The following ADAMTS9 variants were observed in gnomAD, a reference collection of about 807,000 sequenced individuals.
The protein encoded by ADAMTS9 is ADAM metallopeptidase with thrombospondin type 1 motif 9, also known as A disintegrin and metalloproteinase with thrombospondin motifs 9.
ADAMTS9 carries 107 observed loss-of-function variants against 257.1 expected under a neutral mutation model. The observed-to-expected ratio is 0.42, with a 90% confidence interval of 0.36 to 0.49. ADAMTS9 has a LOEUF of 0.49. ADAMTS9 is among the 20% of genes least tolerant of loss of function. The pLI, the probability that ADAMTS9 is intolerant of heterozygous loss-of-function variation, is 0.03. For synonymous variants in ADAMTS9, 982 were observed against 880.9 expected (o/e 1.11, Z -2.03); for missense variants, 2,353 against 2,469.1 (o/e 0.95, Z 1.00).
intron 19 of ADAMTS9, 32 bp downstream of exon 19, chr3:64,621,082 G>A: frequency 6.3e-7 from 1 of 1,587,086 alleles, no homozygotes; most frequent in Non-Finnish European, 8.6e-7. Flanking sequence ...TCACAATTCA[G>A]TAATAAAGGC....
chr3:64,568,704 G>C lies in ADAMTS9; in HGVS notation c.4357-169C>G. ...CAAGGCTTAATAGGGAAGGAAGGTGGCATTGAAAAAAAAAATGTCCACAGC... is the reference window on the plus strand; with the variant it reads ...CAAGGCTTAATAGGGAAGGAAGGTGCCATTGAAAAAAAAAATGTCCACAGC... On this transcript the variant is annotated intron_variant, in intron 28 of 39. Coordinates refer to ENST00000498707, the MANE Select transcript of ADAMTS9 (RefSeq NM_182920.2). 10 of 726,274 alleles carry C rather than the reference G, an allele frequency of 1.4e-5. No individual in the cohort carries two copies. In the South Asian group the frequency reaches 1.9e-4, roughly 13 times the overall value. The allele number at this position is 726,274 out of a possible 1,614,324, so 45.0% of individuals were successfully genotyped here. A position where few individuals can be genotyped will look rare whatever the true frequency, so the allele number is the denominator to read the frequency against.
At chr3:64,631,344 A>G (rs1700362621) in intron 16 of ADAMTS9, 111 bp downstream of exon 16, 3 of 837,230 alleles carry the variant, frequency 3.6e-6, no homozygotes, top group Admixed American at 2.1e-5. Context: ...TTTTATGAAA[A>G]TCCATGACAT....
intron 28 of ADAMTS9, among the ~76,000 whole-genome samples, chr3:64,593,961 A>C (rs978532434): frequency 2.8e-5 from 3 of 108,264 alleles, no homozygotes; most frequent in African/African-American, 6.3e-5. Context: ...TGTGTGTATG[A>C]TGTGTGTGTG....
intron 38 of ADAMTS9, among the ~76,000 whole-genome samples, chr3:64,527,164 A>T (rs1228531339): frequency 6.6e-6 from 1 of 152,162 alleles, no homozygotes. Flanking sequence ...AGAAGCACCC[A>T]CTCACATTCC....
At chr3:64,534,525 CACTT>C (rs1409312448) in intron 37 of ADAMTS9, among the ~76,000 whole-genome samples, 2 of 152,156 alleles carry the variant, frequency 1.3e-5, no homozygotes, top group African/African-American at 4.8e-5. Context: ...TACGACTAGC[CACTT>C]AAATATTATA....
At chr3:64,677,120 C>T (rs997487723) in intron 3 of ADAMTS9, among the ~76,000 whole-genome samples, 1 of 152,140 alleles carries the variant, frequency 6.6e-6, no homozygotes, top group Non-Finnish European at 1.5e-5. Flanking sequence ...CCAAAGGGCT[C>T]CCATAGGCCT....
chr3:64,537,855 G>A (rs914363581), intron 37 of ADAMTS9, among the ~76,000 whole-genome samples: 3 of 152,204 alleles, frequency 2.0e-5, no homozygotes, highest in Non-Finnish European at 4.4e-5. Context: ...TGCCTTCCAA[G>A]GGCAGAAGCT....
At chr3:64,679,050 G>A (rs927482449) in intron 3 of ADAMTS9, among the ~76,000 whole-genome samples, 7 of 152,106 alleles carry the variant, frequency 4.6e-5, no homozygotes, top group East Asian at 1.9e-4. Context: ...CCTTAATAAC[G>A]ACTGGAACCA....
At chr3:64,609,247 A>C (rs1345902556) in intron 22 of ADAMTS9, among the ~76,000 whole-genome samples, 2 of 152,168 alleles carry the variant, frequency 1.3e-5, no homozygotes, top group African/African-American at 4.8e-5. Flanking sequence ...ACTGCTGTTC[A>C]TCATTGTACT....
chr3:64,646,633 A>T (rs946150121), intron 11 of ADAMTS9, among the ~76,000 whole-genome samples: 1 of 152,242 alleles, frequency 6.6e-6, no homozygotes, highest in African/African-American at 2.4e-5. Flanking sequence ...CTCTGTTGCC[A>T]ATTTAAGTCA....
At chr3:64,642,043 T>G in intron 11 of ADAMTS9, 50 bp from the exon 12 acceptor site, 1 of 1,605,100 alleles carries the variant, frequency 6.2e-7, no homozygotes, top group Non-Finnish European at 8.5e-7. Flanking sequence ...TGTGAGTTGT[T>G]ACAGGACTGG....
chr3:64,681,684 T>C, intron 2 of ADAMTS9, among the ~76,000 whole-genome samples: 1 of 152,208 alleles, frequency 6.6e-6, no homozygotes, highest in East Asian at 1.9e-4. Flanking sequence ...GCTGGGATTA[T>C]AGGTGCATGC....
intron 24 of ADAMTS9, 64 bp from the exon 25 acceptor site, chr3:64,604,153 C>T (rs573012741): frequency 6.2e-6 from 10 of 1,601,824 alleles, no homozygotes; most frequent in African/African-American, 5.3e-5. Flanking sequence ...GGACAGTAGC[C>T]CACTTTCTAT....
At chr3:64,581,331 T>C (rs536512574) in intron 28 of ADAMTS9, among the ~76,000 whole-genome samples, 1 of 152,280 alleles carries the variant, frequency 6.6e-6, no homozygotes, top group South Asian at 2.1e-4. Context: ...TGTGTCTTTG[T>C]TTAGGGGCAA....
At chr3:64,531,228 A>T (rs1166476132) in intron 38 of ADAMTS9, among the ~76,000 whole-genome samples, 1 of 152,128 alleles carries the variant, frequency 6.6e-6, no homozygotes, top group Non-Finnish European at 1.5e-5. Context: ...ATTTTCCTGG[A>T]ATGTCCCAAT....
chr3:64,584,577 T>C (rs937881188), intron 28 of ADAMTS9, among the ~76,000 whole-genome samples: 4 of 152,324 alleles, frequency 2.6e-5, no homozygotes, highest in African/African-American at 9.6e-5. Flanking sequence ...ACTCTTTACT[T>C]CCTTGTGAAG....
chr3:64,523,997 T>C (rs562973522), intron 38 of ADAMTS9, among the ~76,000 whole-genome samples: 1 of 152,282 alleles, frequency 6.6e-6, no homozygotes, highest in African/African-American at 2.4e-5. Context: ...AAACTGTTCT[T>C]ATAGGCAAAA....
chr3:64,682,114 C>A (rs1403328635), intron 2 of ADAMTS9, among the ~76,000 whole-genome samples: 1 of 152,124 alleles, frequency 6.6e-6, no homozygotes. Context: ...TGATGTCCTG[C>A]AAGGCTTTGA....
At chr3:64,577,104 T>A (rs1017634674) in intron 28 of ADAMTS9, among the ~76,000 whole-genome samples, 3 of 152,190 alleles carry the variant, frequency 2.0e-5, no homozygotes, top group African/African-American at 7.2e-5. Context: ...AGGGCTCTTT[T>A]TGTTCTCCAA....
Sources: allele counts gnomAD v4.1 joint callset (sites outside exome capture counted in the v4.1 genomes callset), GRCh38; gene constraint gnomAD v4.1.1; transcripts MANE v1.5; gene names NCBI Gene and HGNC (gene_info 2026-07-23, HGNC 2026-07-21).